Variants in OLA1 observed in about 807,000 individuals in gnomAD.
OLA1 encodes obg-like ATPase 1.
Under a neutral mutation model 48.4 loss-of-function variants are expected in OLA1, and 14 were observed. The observed-to-expected ratio is 0.29, with a 90% confidence interval of 0.19 to 0.45. The LOEUF (loss-of-function observed/expected upper bound fraction) is 0.45, where lower values mean the gene tolerates loss of function less well. Ranked by LOEUF, OLA1 falls within the 20% of genes least tolerant of loss-of-function variation. The pLI is 1.00. For missense variants in OLA1, 325 were observed against 467.1 expected (o/e 0.70, Z 2.80); for synonymous variants, 127 against 150.4 (o/e 0.84, Z 1.14).
At chr2:174,229,791 T>C (rs1688689350) in intron 2 of OLA1, among the ~76,000 whole-genome samples, 1 of 152,208 alleles carries the variant, frequency 6.6e-6, no homozygotes, top group Non-Finnish European at 1.5e-5. Flanking sequence ...CCAGCATCAC[T>C]TCATCCATAC....
intron 4 of OLA1, among the ~76,000 whole-genome samples, chr2:174,189,213 A>G (rs1687723186): frequency 6.6e-6 from 1 of 152,172 alleles, no homozygotes; most frequent in African/African-American, 2.4e-5. Flanking sequence ...GAGATTTACA[A>G]AGAAAAAAAT....
intron 4 of OLA1, among the ~76,000 whole-genome samples, chr2:174,184,213 G>GA (rs1687605216): frequency 6.6e-6 from 1 of 152,058 alleles, no homozygotes; most frequent in African/African-American, 2.4e-5. Flanking sequence ...GCTTCCAAAA[G>GA]AAAAATATGG....
At chr2:174,129,416 C>T (rs536889406) in intron 5 of OLA1, among the ~76,000 whole-genome samples, 2 of 151,572 alleles carry the variant, frequency 1.3e-5, no homozygotes, top group African/African-American at 4.8e-5. Context: ...CAAGATGGTG[C>T]CACTGCACTC....
At chr2:174,182,149 GT>G (rs1464119884) in intron 4 of OLA1, among the ~76,000 whole-genome samples, 1 of 152,212 alleles carries the variant, frequency 6.6e-6, no homozygotes, top group Non-Finnish European at 1.5e-5. Context: ...ACTGTAGTAT[GT>G]TCCTATGACA....
intron 10 of OLA1, among the ~76,000 whole-genome samples, chr2:174,076,867 T>C (rs1684750194): frequency 6.6e-6 from 1 of 151,856 alleles, no homozygotes; most frequent in Non-Finnish European, 1.5e-5. Context: ...AGACATGCAA[T>C]GTATTGAAGG....
intron 4 of OLA1, among the ~76,000 whole-genome samples, chr2:174,148,368 G>A (rs1686662509): frequency 1.3e-5 from 2 of 152,132 alleles, no homozygotes; most frequent in African/African-American, 4.8e-5. Context: ...CAGCCGGAGC[G>A]ACAAGAGTGA....
At chr2:174,134,975 C>T (rs985942498) in intron 5 of OLA1, among the ~76,000 whole-genome samples, 7 of 152,000 alleles carry the variant, frequency 4.6e-5, no homozygotes, top group Non-Finnish European at 8.8e-5. Context: ...TCCTGGCTAA[C>T]ATGGTGAAAC....
rs193024703 is a variant in OLA1, at chr2:174,136,157, T to C, written c.549+5668A>G. ...AGGGTAGTGGTTGCTGAAGGTTGGGTGGCTGTGACAATTTCTTAAAATATG... is the reference window on the plus strand; with the variant it reads ...AGGGTAGTGGTTGCTGAAGGTTGGGCGGCTGTGACAATTTCTTAAAATATG... On this transcript the variant is annotated intron_variant, in intron 5 of 10. Transcript: ENST00000284719. Among the ~76,000 whole-genome samples the C allele has an allele frequency of 6.9e-4, 105 of 152,290 alleles. 2 individuals carry two copies. The highest frequency in any genetic ancestry group is 4.6e-3 in the Admixed American group (71 of 15,300).
intron 7 of OLA1, among the ~76,000 whole-genome samples, chr2:174,088,317 C>T (rs1477271734): frequency 6.6e-6 from 1 of 152,184 alleles, no homozygotes; most frequent in African/African-American, 2.4e-5. Flanking sequence ...TACAACTGCT[C>T]AGAGTCCCAA....
At chr2:174,119,587 A>G (rs1308813726) in intron 7 of OLA1, among the ~76,000 whole-genome samples, 1 of 152,058 alleles carries the variant, frequency 6.6e-6, no homozygotes, top group South Asian at 2.1e-4. Context: ...TCAAGAAAAT[A>G]TATTTATTCC....
intron 4 of OLA1, among the ~76,000 whole-genome samples, chr2:174,181,528 T>A (rs759102615): frequency 2.0e-5 from 3 of 152,126 alleles, no homozygotes; most frequent in African/African-American, 4.8e-5. Flanking sequence ...TAGTCCTATA[T>A]GACAGAGGGA....
intron 7 of OLA1, among the ~76,000 whole-genome samples, chr2:174,097,194 C>A (rs963449421): frequency 3.3e-5 from 5 of 151,944 alleles, no homozygotes; most frequent in Admixed American, 6.6e-5. Context: ...AAAATCAGGT[C>A]TTTATTTCTG....
Position 174,172,163 on chromosome 2 carries a change from A to C in OLA1, c.374-30163T>G, listed in dbSNP as rs569111234. ...TACCTTGGCAGTGGAGGAGCTGGAG[A>C]GATGTGGCGTTTGATGTTGAAGGAG... On this transcript the variant is annotated intron_variant, in intron 4 of 10. Transcript: ENST00000284719. 1.2e-3 allele frequency: 258 copies of C among 218,828 alleles called. 4 individuals are homozygous for C. In the South Asian group the frequency reaches 0.021, roughly 18 times the overall value. 13.6% of individuals were successfully genotyped at this position (218,828 alleles called of 1,614,324 possible). A position where few individuals can be genotyped will look rare whatever the true frequency, so the allele number is the denominator to read the frequency against.
At chr2:174,214,852 C>G (rs1049366465) in intron 4 of OLA1, among the ~76,000 whole-genome samples, 3 of 151,986 alleles carry the variant, frequency 2.0e-5, no homozygotes, top group African/African-American at 7.2e-5. Flanking sequence ...GAGTTCGAGA[C>G]CAGCCTGGCC....
At chr2:174,126,319 T>C (rs1201908207) in intron 5 of OLA1, among the ~76,000 whole-genome samples, 1 of 152,008 alleles carries the variant, frequency 6.6e-6, no homozygotes, top group Admixed American at 6.6e-5. Flanking sequence ...TCCAGTTAAC[T>C]GAGCTTGGTT....
At chr2:174,122,449 G>C (rs1229199972) in intron 7 of OLA1, among the ~76,000 whole-genome samples, 1 of 152,184 alleles carries the variant, frequency 6.6e-6, no homozygotes, top group Non-Finnish European at 1.5e-5. Context: ...ATATAGTTTA[G>C]GAGAATTCAG....
intron 5 of OLA1, among the ~76,000 whole-genome samples, chr2:174,133,968 T>C (rs1686243352): frequency 6.6e-6 from 1 of 152,200 alleles, no homozygotes; most frequent in Admixed American, 6.5e-5. Context: ...CAACCACCAA[T>C]ATGCAGTTCT....
rs540215482 is a variant in OLA1, at chr2:174,135,693, CT to C, written c.549+6131del. Among the ~76,000 whole-genome samples the C allele has an allele frequency of 6.6e-5, 10 of 152,220 alleles. No homozygotes were observed. The South Asian group carries it at 1.9e-3, about 28-fold the overall frequency. On this transcript the variant is annotated intron_variant, in intron 5 of 10. Transcript: ENST00000284719. ...CCTTACCAAAAATTAGTATCACGTT[CT>C]TTTAGAAATGATCTCTTTAAGTCAT...
At chr2:174,192,075 G>C (rs1687788817) in intron 4 of OLA1, among the ~76,000 whole-genome samples, 1 of 151,958 alleles carries the variant, frequency 6.6e-6, no homozygotes, top group Non-Finnish European at 1.5e-5. Context: ...TTGTGCTAAG[G>C]ATTTTTTTAT....
Sources: allele counts gnomAD v4.1 joint callset (sites outside exome capture counted in the v4.1 genomes callset), GRCh38; gene constraint gnomAD v4.1.1; transcripts MANE v1.5; gene names NCBI Gene and HGNC (gene_info 2026-07-23, HGNC 2026-07-21).